DHX35: variants seen among roughly 807,000 people sequenced by gnomAD.
DHX35 encodes the protein probable ATP-dependent RNA helicase DHX35.
In DHX35, 84 loss-of-function variants were observed where a neutral mutation model predicts 99.6. The observed-to-expected ratio is 0.84, with a 90% confidence interval of 0.71 to 1.01. The LOEUF (loss-of-function observed/expected upper bound fraction) is 1.01, where lower values mean the gene tolerates loss of function less well. Among genes scored for constraint, DHX35 ranks in the 50% least tolerant of loss-of-function variants. The pLI, the probability that DHX35 is intolerant of heterozygous loss-of-function variation, is 0.00. For missense variants in DHX35, 852 were observed against 888.5 expected, an observed-to-expected ratio of 0.96 and a Z score of 0.52; for synonymous variants, 331 against 316.2, an observed-to-expected ratio of 1.05 and a Z score of -0.50.
chr20:39,001,694 C>G (rs1445412321), intron 8 of DHX35, 36 bp from the exon 9 acceptor site: 2 of 1,527,890 alleles, frequency 1.3e-6, no homozygotes, highest in Non-Finnish European at 8.9e-7. Context: ...ACCTTTTTTT[C>G]TAAGAGAAAT....
intron 18 of DHX35, among the ~76,000 whole-genome samples, chr20:39,027,510 AAGAAGGTAAC>A (rs2145940355): frequency 6.6e-6 from 1 of 152,348 alleles, no homozygotes; most frequent in South Asian, 2.1e-4. Flanking sequence ...TGTAATATAA[AAGAAGGTAAC>A]AGAAGGTAAC....
At chr20:39,006,378 G>C (rs1487597039) in intron 12 of DHX35, 22 bp downstream of exon 12, 2 of 1,608,032 alleles carry the variant, frequency 1.2e-6, no homozygotes, top group Admixed American at 1.7e-5. Context: ...TTTCCCTAAG[G>C]GTTTTTGACT....
Position 39,021,911 on chromosome 20 carries a change from C to T in DHX35, c.1569C>T (p.Val523=), listed in dbSNP as rs142673637. The change falls in exon 16 of 22, where the codon GTC becomes GTT. Residue 523 remains valine, a synonymous_variant. Coordinates refer to ENST00000252011, the MANE Select transcript of DHX35 (RefSeq NM_021931.4). ...AMMQIQNIFV[V]PPNQKSHAIR... is the part of the protein sequence containing the mutation. Reference sequence around the variant, plus strand: ...TGCAGATCCAGAATATCTTTGTGGTCCCCCCAAACCAGAAGTCTCACGCAG... The same window carrying T: ...TGCAGATCCAGAATATCTTTGTGGTTCCCCCAAACCAGAAGTCTCACGCAG... 11 of 1,613,864 alleles carry T rather than the reference C, an allele frequency of 6.8e-6. No individual in the cohort carries two copies. The highest frequency in any genetic ancestry group is 5.5e-5 in the South Asian group (5 of 91,064).
chr20:39,026,740 A>G (rs910172605), intron 18 of DHX35, among the ~76,000 whole-genome samples: 1 of 152,148 alleles, frequency 6.6e-6, no homozygotes, highest in African/African-American at 2.4e-5. Flanking sequence ...CGCTCAGAGA[A>G]TATTTGATGG....
chr20:38,962,589 G>A (rs1224769552), intron 1 of DHX35, 182 bp downstream of exon 1: 3 of 702,720 alleles, frequency 4.3e-6, no homozygotes, highest in African/African-American at 1.8e-5. Context: ...GGATTTGGGG[G>A]TGCTCCCCTA....
chr20:38,989,265 G>GTTTTTTTTTTTTTT (rs59991063), intron 5 of DHX35, among the ~76,000 whole-genome samples: 4 of 111,880 alleles, frequency 3.6e-5, no homozygotes, highest in African/African-American at 7.2e-5. Flanking sequence ...ACCCGGCTAA[G>GTTTTTTTTTTTTTT]TTTTTTTTTT....
rs565658335 is a variant in DHX35 at position 38,981,320 on chromosome 20, A to G, written c.268-2379A>G. On this transcript the variant is annotated intron_variant, in intron 3 of 21. Transcript: ENST00000252011. ...ATTTTCTTTTCTCCTCTTTCCCTCT[A>G]TCTTTATTAAATGTAATTTTCTGTA... 3.3e-5 allele frequency among the ~76,000 whole-genome samples: 5 copies of G among 151,852 alleles called. No homozygotes were observed. The South Asian group carries it at 1.0e-3, about 32-fold the overall frequency.
At chr20:39,022,263 C>T (rs1461149214) in intron 16 of DHX35, among the ~76,000 whole-genome samples, 1 of 152,136 alleles carries the variant, frequency 6.6e-6, no homozygotes, top group African/African-American at 2.4e-5. Flanking sequence ...CTCCCAGGTT[C>T]AAGTGATGCT....
chr20:39,014,745 G>A, intron 13 of DHX35, 135 bp from the exon 14 acceptor site: 1 of 1,086,934 alleles, frequency 9.2e-7, no homozygotes, highest in Non-Finnish European at 1.4e-6. Flanking sequence ...GGTGCCAACA[G>A]CAAGAACAGA....
rs574279414 is a variant in DHX35 at position 39,005,533 on chromosome 20, A to T, written c.1012-613A>T. On this transcript the variant is annotated intron_variant, in intron 11 of 21. Coordinates refer to ENST00000252011, the MANE Select transcript of DHX35 (RefSeq NM_021931.4). ...ATATATAATATACATGTTATATACT[A>T]CATCATATCATATTGCCTCATTGTG... 7.2e-5 allele frequency among the ~76,000 whole-genome samples: 11 copies of T among 152,318 alleles called. No homozygotes were observed. In the South Asian group the frequency reaches 2.1e-3, roughly 29 times the overall value.
intron 1 of DHX35, among the ~76,000 whole-genome samples, chr20:38,965,091 A>G (rs1030023432): frequency 7.6e-6 from 1 of 131,574 alleles, no homozygotes; most frequent in African/African-American, 3.0e-5. Flanking sequence ...CCTAGGAGCC[A>G]GGCATCAGTG....
At chr20:38,977,798 T>G in intron 3 of DHX35, 2 of 510,482 alleles carry the variant, frequency 3.9e-6, no homozygotes, top group Non-Finnish European at 7.5e-6. Context: ...ATTCTTGTCC[T>G]TTTGATCTTG....
chr20:39,008,787 T>G (rs2086656870), intron 12 of DHX35, among the ~76,000 whole-genome samples: 1 of 152,236 alleles, frequency 6.6e-6, no homozygotes, highest in Non-Finnish European at 1.5e-5. Flanking sequence ...CTTAGATACC[T>G]TTTCCTTGAG....
At chr20:39,031,455 G>T (rs1456035383) in intron 20 of DHX35, among the ~76,000 whole-genome samples, 1 of 151,632 alleles carries the variant, frequency 6.6e-6, no homozygotes, top group African/African-American at 2.4e-5. Context: ...TCCTGCCTCA[G>T]CCACCTGAGT....
intron 2 of DHX35, among the ~76,000 whole-genome samples, chr20:38,970,437 A>G (rs577924810): frequency 1.3e-5 from 2 of 152,216 alleles, no homozygotes; most frequent in East Asian, 1.9e-4. Flanking sequence ...TTCACTATGT[A>G]TGAATGTTAG....
At chr20:38,991,862 C>G (rs1030648816) in intron 6 of DHX35, among the ~76,000 whole-genome samples, 5 of 152,120 alleles carry the variant, frequency 3.3e-5, no homozygotes, top group African/African-American at 1.2e-4. Context: ...TATCACTTCC[C>G]CCTCTTTGTC....
At chr20:38,982,430 T>C (rs1281246687) in intron 3 of DHX35, among the ~76,000 whole-genome samples, 1 of 152,242 alleles carries the variant, frequency 6.6e-6, no homozygotes, top group Non-Finnish European at 1.5e-5. Flanking sequence ...GGTTATGTTA[T>C]TCATTTGTAG....
chr20:39,022,160 A>T (rs2086883170), intron 16 of DHX35, among the ~76,000 whole-genome samples: 1 of 151,660 alleles, frequency 6.6e-6, no homozygotes, highest in South Asian at 2.1e-4. Context: ...ATCATATTTT[A>T]TTTATTTATT....
At chr20:39,006,429 T>C in intron 12 of DHX35, 73 bp downstream of exon 12, 1 of 1,515,330 alleles carries the variant, frequency 6.6e-7, no homozygotes, top group South Asian at 1.2e-5. Flanking sequence ...AGCAAATGTT[T>C]ACTCCTAATG....
Sources: allele counts gnomAD v4.1 joint callset (sites outside exome capture counted in the v4.1 genomes callset), GRCh38; gene constraint gnomAD v4.1.1; transcripts MANE v1.5; gene names NCBI Gene and HGNC (gene_info 2026-07-23, HGNC 2026-07-21).